Variants in PANX1 observed in about 807,000 individuals in gnomAD.
PANX1 encodes the protein pannexin 1.
A neutral mutation model predicts 38.7 loss-of-function variants in PANX1; 30 were observed. The observed-to-expected ratio is 0.78, with a 90% CI of 0.58 to 1.05. The LOEUF is 1.05. PANX1 is among the 50% of genes least tolerant of loss of function. The pLI, the probability that PANX1 is intolerant of heterozygous loss-of-function variation, is 0.00. For synonymous variants in PANX1, 230 were observed against 212.2 expected (o/e 1.08, Z -0.73); for missense variants, 551 against 517.2 (o/e 1.07, Z -0.63).
rs192519660 is a variant in PANX1 at position 94,166,522 on chromosome 11, G to A, written c.322-11847G>A. On this transcript the variant is annotated intron_variant, in intron 2 of 4. Transcript: ENST00000227638. ...TAAGGTTTCCACTGAAAAGTCTGCT[G>A]CCAGATATCTTGGAACTCTTTTATA... is the stretch of plus-strand genomic sequence containing the variant. Among the ~76,000 whole-genome samples, 338 of 152,268 alleles carry A rather than the reference G, an allele frequency of 2.2e-3. 7 individuals carry two copies. Among genetic ancestry groups the A allele is most frequent in the Non-Finnish European group, 5.9e-4 (40 of 68,026 alleles).
At chr11:94,133,042 T>C (rs1432189956) in intron 1 of PANX1, among the ~76,000 whole-genome samples, 1 of 152,234 alleles carries the variant, frequency 6.6e-6, no homozygotes, top group African/African-American at 2.4e-5. Context: ...TTCAGCCCAC[T>C]GGGCTCCTCT....
chr11:94,180,457 A>C (rs1038716096), intron 4 of PANX1, among the ~76,000 whole-genome samples, 200 bp downstream of exon 4: 5 of 152,220 alleles, frequency 3.3e-5, no homozygotes, highest in Admixed American at 3.3e-4. Context: ...GTGCTGCTCT[A>C]CATTTCCAAA....
At chr11:94,131,686 A>G (rs905275718) in intron 1 of PANX1, among the ~76,000 whole-genome samples, 20 of 152,228 alleles carry the variant, frequency 1.3e-4, no homozygotes, top group African/African-American at 4.8e-4. Context: ...AGCTAACAGG[A>G]CCAGGGAAGA....
Position 94,180,325 on chromosome 11 carries a change from A to G in PANX1, c.1201+68A>G, listed in dbSNP as rs1049723065. The G allele has an allele frequency of 6.1e-6, 8 of 1,309,036 alleles. No individual in the cohort carries two copies. In the African/African-American group the frequency reaches 1.2e-4, roughly 19 times the overall value. 81.1% of individuals were successfully genotyped at this position (1,309,036 alleles called of 1,614,324 possible). A position where few individuals can be genotyped will look rare whatever the true frequency, so the allele number is the denominator to read the frequency against. On this transcript the variant is annotated intron_variant, in intron 4 of 4. Coordinates refer to ENST00000227638, the MANE Select transcript of PANX1 (RefSeq NM_015368.4). ...GCCTTTGCAGCAGCCTTGTGGGAAT[A>G]TTGACAGTCTTTACCCTGCCCATCA...
intron 1 of PANX1, among the ~76,000 whole-genome samples, chr11:94,138,324 T>A (rs1462323138): frequency 6.6e-6 from 1 of 152,230 alleles, no homozygotes; most frequent in Non-Finnish European, 1.5e-5. Flanking sequence ...TTTTTTCCAT[T>A]TATATAATTC....
At chr11:94,167,269 CCTACT>C (rs1449270215) in intron 2 of PANX1, among the ~76,000 whole-genome samples, 1 of 152,182 alleles carries the variant, frequency 6.6e-6, no homozygotes, top group Non-Finnish European at 1.5e-5. Context: ...GACCGTACTT[CCTACT>C]CTCTTCAATG....
chr11:94,178,531 G>C lies in PANX1; in HGVS notation c.484G>C (p.Asp162His). 1.2e-6 allele frequency: 2 copies of C among 1,614,124 alleles called. No homozygotes were observed. The highest frequency in any genetic ancestry group is 1.7e-6 in the Non-Finnish European group (2 of 1,180,004). ...AATTAAGGCTGCAAAGAGTGCGCGTGACCTTGACATGAGAGATGGAGCCTG... is the reference window on the plus strand; with the variant it reads ...AATTAAGGCTGCAAAGAGTGCGCGTCACCTTGACATGAGAGATGGAGCCTG... ...RAIKAAKSARDLDMRDGACSV... is the reference protein window; with the variant it reads ...RAIKAAKSARHLDMRDGACSV... Residue 162 changes from aspartate (D) to histidine (H), a missense_variant, in exon 3 of 5, where the codon GAC (aspartate) becomes CAC (histidine). Transcript: ENST00000227638.
chr11:94,181,313 C>A lies in PANX1; in HGVS notation c.*444C>A. ...TAATTTAACGTGAGTTTCTTATGTG[C>A]CCTTAAAGACTGTTAGACAAGAAAA... On this transcript the variant is annotated 3_prime_UTR_variant, in exon 5 of 5. Coordinates refer to ENST00000227638, the MANE Select transcript of PANX1 (RefSeq NM_015368.4). 6.3e-6 allele frequency: 1 copy of A among 158,492 alleles called. No homozygotes were observed. Among genetic ancestry groups the A allele is most frequent in the Non-Finnish European group, 1.4e-5 (1 of 71,508 alleles). The allele number at this position is 158,492 out of a possible 1,614,324, so 9.8% of individuals were successfully genotyped here.
chr11:94,130,565 T>A (rs1310702831), intron 1 of PANX1, among the ~76,000 whole-genome samples: 1 of 152,216 alleles, frequency 6.6e-6, no homozygotes, highest in Non-Finnish European at 1.5e-5. Flanking sequence ...ATGGTGGCAT[T>A]TAGGGTCTGG....
intron 1 of PANX1, among the ~76,000 whole-genome samples, chr11:94,150,494 A>G (rs1418446720): frequency 6.6e-6 from 1 of 152,190 alleles, no homozygotes; most frequent in Non-Finnish European, 1.5e-5. Context: ...ATGTGGAAAT[A>G]CATTTGAAAA....
Position 94,129,277 on chromosome 11 carries a change from C to T in PANX1, c.-36C>T, listed in dbSNP as rs749600993. 4 of 1,574,098 alleles carry T rather than the reference C, an allele frequency of 2.5e-6. No homozygotes were observed. In the African/African-American group the frequency reaches 4.1e-5, roughly 16 times the overall value. On this transcript the variant is annotated 5_prime_UTR_variant, in exon 1 of 5. Transcript: ENST00000227638. Reference sequence around the variant, plus strand: ...CGCAGCTTTCCCGACGCCGGCTGTACCCGGACCTCCTGGTCGAGCCTGGCG... The same window carrying T: ...CGCAGCTTTCCCGACGCCGGCTGTATCCGGACCTCCTGGTCGAGCCTGGCG...
intron 1 of PANX1, among the ~76,000 whole-genome samples, chr11:94,130,481 G>A (rs1946616788): frequency 1.3e-5 from 2 of 152,156 alleles, no homozygotes; most frequent in African/African-American, 2.4e-5. Context: ...GGTCAGCCTG[G>A]AACAGAAGAG....
chr11:94,163,931 T>A (rs903073918), intron 2 of PANX1, among the ~76,000 whole-genome samples: 3 of 152,196 alleles, frequency 2.0e-5, no homozygotes, highest in African/African-American at 7.2e-5. Flanking sequence ...CTATTCAGGT[T>A]TTGTATTTCT....
chr11:94,171,468 T>C (rs1266265973), intron 2 of PANX1, among the ~76,000 whole-genome samples: 1 of 151,600 alleles, frequency 6.6e-6, no homozygotes, highest in Non-Finnish European at 1.5e-5. Flanking sequence ...CCTGAGACAA[T>C]GCGTAGTCCA....
intron 2 of PANX1, among the ~76,000 whole-genome samples, chr11:94,157,419 G>A: frequency 6.6e-6 from 1 of 152,102 alleles, no homozygotes; most frequent in Non-Finnish European, 1.5e-5. Flanking sequence ...ACTTTTTAAT[G>A]ATCGCCATTC....
At chr11:94,173,417 A>C (rs2134519793) in intron 2 of PANX1, among the ~76,000 whole-genome samples, 1 of 151,662 alleles carries the variant, frequency 6.6e-6, no homozygotes, top group African/African-American at 2.4e-5. Flanking sequence ...ACTACAGACC[A>C]GGGCGTTTTG....
chr11:94,175,293 A>G (rs1230090869), intron 2 of PANX1, among the ~76,000 whole-genome samples: 2 of 151,770 alleles, frequency 1.3e-5, no homozygotes, highest in Non-Finnish European at 2.9e-5. Flanking sequence ...TTTAGTGTGG[A>G]GAAAACCAAG....
In PANX1 at chr11:94,181,675, C is replaced by T. The variant is rs530461077; in HGVS notation, c.*806C>T. On this transcript the variant is annotated 3_prime_UTR_variant, in exon 5 of 5. Transcript: ENST00000227638. ...AAGAGTTTGTCTACAGGCGGTTTCT[C>T]TGTTATCAAAGGCATTTGAAATAGG... 1 of 152,194 alleles carries T rather than the reference C, an allele frequency of 6.6e-6. No individual in the cohort carries two copies. The highest frequency in any genetic ancestry group is 2.4e-5 in the African/African-American group (1 of 41,450). 9.4% of individuals were successfully genotyped at this position (152,194 alleles called of 1,614,324 possible).
chr11:94,156,271 C>CTGG (rs1256964773), intron 2 of PANX1, among the ~76,000 whole-genome samples: 1 of 152,180 alleles, frequency 6.6e-6, no homozygotes, highest in Non-Finnish European at 1.5e-5. Context: ...AAGGGGAAAT[C>CTGG]TGGAAACAGT....
Sources: gnomAD v4.1 joint callset for allele counts (sites outside exome capture counted in the v4.1 genomes callset) on GRCh38, gnomAD v4.1.1 for gene constraint, MANE v1.5 for transcripts, NCBI Gene and HGNC (gene_info 2026-07-23, HGNC 2026-07-21) for gene names.